PTPRZ1: variants seen among roughly 807,000 people sequenced by gnomAD.
PTPRZ1 encodes the protein protein tyrosine phosphatase receptor type Z1.
A neutral mutation model predicts 214.1 loss-of-function variants in PTPRZ1; 82 were observed. The ratio of observed to expected loss-of-function variants is 0.38; its 90% confidence interval spans 0.32 to 0.46. The LOEUF is 0.46. PTPRZ1 is among the 20% of genes least tolerant of loss of function. The pLI is 1.00. For synonymous variants in PTPRZ1, 945 were observed against 987.9 expected (o/e 0.96, Z 0.81); for missense variants, 2,603 against 2,748.7 (o/e 0.95, Z 1.19).
Position 121,873,375 on chromosome 7 carries a change from C to A in PTPRZ1, c.-125C>A. The stretch of plus-strand genomic sequence containing the variant: ...AAACACACATACGCACGCACGATCT[C>A]ACTTCGATCTATACACTGGAGGATT... On this transcript the variant is annotated 5_prime_UTR_variant, in exon 1 of 30. Transcript: ENST00000393386. 1 of 855,708 alleles carries A rather than the reference C, an allele frequency of 1.2e-6. No individual in the cohort carries two copies. Among genetic ancestry groups the A allele is most frequent in the South Asian group, 1.6e-5 (1 of 62,394 alleles). The allele number at this position is 855,708 out of a possible 1,614,324, so 53.0% of individuals were successfully genotyped here. A position where few individuals can be genotyped will look rare whatever the true frequency, so the allele number is the denominator to read the frequency against.
chr7:121,950,878 A>G (rs1796524966), intron 2 of PTPRZ1, among the ~76,000 whole-genome samples: 1 of 152,228 alleles, frequency 6.6e-6, no homozygotes, highest in Admixed American at 6.5e-5. Flanking sequence ...AAGTTCAAAC[A>G]AAGTCAAATT....
intron 1 of PTPRZ1, among the ~76,000 whole-genome samples, chr7:121,900,734 C>T (rs1017474855): frequency 6.6e-6 from 1 of 152,176 alleles, no homozygotes; most frequent in Non-Finnish European, 1.5e-5. Flanking sequence ...AAGGACGTAC[C>T]TGAAGCCAGA....
At chr7:121,935,426 G>T (rs1312480885) in intron 2 of PTPRZ1, among the ~76,000 whole-genome samples, 1 of 152,102 alleles carries the variant, frequency 6.6e-6, no homozygotes, top group Non-Finnish European at 1.5e-5. Flanking sequence ...GGAACTGTCT[G>T]GGCTTTGTGT....
At chr7:121,896,228 T>C (rs924182782) in intron 1 of PTPRZ1, among the ~76,000 whole-genome samples, 3 of 152,224 alleles carry the variant, frequency 2.0e-5, no homozygotes, top group Admixed American at 1.3e-4. Flanking sequence ...AATTTTTAAG[T>C]GTACAGTATA....
intron 2 of PTPRZ1, among the ~76,000 whole-genome samples, chr7:121,940,731 G>T (rs1183129664): frequency 6.6e-6 from 1 of 151,968 alleles, no homozygotes; most frequent in Non-Finnish European, 1.5e-5. Flanking sequence ...ACTTCTGACA[G>T]GTTTATGTCC....
chr7:121,911,692 G>A (rs1022561930), intron 1 of PTPRZ1, among the ~76,000 whole-genome samples: 8 of 151,858 alleles, frequency 5.3e-5, no homozygotes, highest in African/African-American at 1.9e-4. Flanking sequence ...TGGGAGATAG[G>A]AAGGTATGGT....
chr7:122,004,601 T>C lies in PTPRZ1; in HGVS notation c.1241-13T>C. 2 of 1,308,534 alleles carry C rather than the reference T, an allele frequency of 1.5e-6. No homozygotes were observed. Among genetic ancestry groups the C allele is most frequent in the Non-Finnish European group, 2.1e-6 (2 of 938,734 alleles). 81.1% of individuals were successfully genotyped at this position (1,308,534 alleles called of 1,614,324 possible). A position where few individuals can be genotyped will look rare whatever the true frequency, so the allele number is the denominator to read the frequency against. ...GAATAAAAACTTTAATAATTTTGTTTTTAATTTTGTAGAACTTGATCTTTT... is the reference window on the plus strand; with the variant it reads ...GAATAAAAACTTTAATAATTTTGTTCTTAATTTTGTAGAACTTGATCTTTT... On this transcript the variant is annotated splice_polypyrimidine_tract_variant and intron_variant, in intron 10 of 29. Transcript: ENST00000393386.
chr7:121,970,833 T>A (rs1334747859), intron 3 of PTPRZ1, among the ~76,000 whole-genome samples: 1 of 152,222 alleles, frequency 6.6e-6, no homozygotes, highest in Admixed American at 6.5e-5. Flanking sequence ...AATTTTGGCT[T>A]TTGTTACCAT....
intron 8 of PTPRZ1, among the ~76,000 whole-genome samples, chr7:121,987,371 A>G (rs1412309840): frequency 6.6e-6 from 1 of 152,114 alleles, no homozygotes; most frequent in African/African-American, 2.4e-5. Flanking sequence ...GAGCTCAGCA[A>G]TCAAAAAAGG....
chr7:121,976,876 T>A, intron 6 of PTPRZ1, 25 bp downstream of exon 6: 1 of 1,586,854 alleles, frequency 6.3e-7, no homozygotes, highest in Non-Finnish European at 8.6e-7. Context: ...GAACTATCTT[T>A]CTTCAGGATT....
In PTPRZ1 at chr7:121,983,678, T is replaced by C; in HGVS notation, c.633T>C (p.Ala211=). 4 of 1,612,646 alleles carry C rather than the reference T, an allele frequency of 2.5e-6. No homozygotes were observed. Among genetic ancestry groups the C allele is most frequent in the Non-Finnish European group, 3.4e-6 (4 of 1,179,536 alleles). ...ESVSRFGKQA[A]LDPFILLNLL... ...ATTCCTTTTTAGGGAAGCAGGCTGC[T>C]TTAGATCCATTCATACTGTTGAACC... Residue 211 remains alanine (A), a synonymous_variant, in exon 7 of 30, where the codon GCT becomes GCC. Transcript: ENST00000393386.
At chr7:122,045,682 T>TTACA (rs1799870827) in intron 23 of PTPRZ1, among the ~76,000 whole-genome samples, 1 of 70,218 alleles carries the variant, frequency 1.4e-5, no homozygotes, top group Non-Finnish European at 2.7e-5. Context: ...CCTAAATAAA[T>TTACA]TACACACACA....
chr7:122,048,172 A>G (rs1013013341), intron 23 of PTPRZ1, among the ~76,000 whole-genome samples: 3 of 152,164 alleles, frequency 2.0e-5, no homozygotes, highest in Non-Finnish European at 4.4e-5. Flanking sequence ...TAAAATCTTT[A>G]GAATTAAAGG....
intron 1 of PTPRZ1, among the ~76,000 whole-genome samples, chr7:121,891,374 C>T (rs776563930): frequency 6.6e-6 from 1 of 150,618 alleles, no homozygotes; most frequent in Non-Finnish European, 1.5e-5. Flanking sequence ...TGTTTGTTCA[C>T]CATGGAGCCC....
intron 1 of PTPRZ1, among the ~76,000 whole-genome samples, chr7:121,877,154 C>T (rs117731567): frequency 0.019 from 2,891 of 152,284 alleles, 48 homozygotes; most frequent in Non-Finnish European, 0.031. Context: ...TTTCTCATTT[C>T]ATTCTCCTCA....
chr7:122,028,602 G>A lies in PTPRZ1; in HGVS notation c.5039G>A (p.Arg1680Lys). 1 of 1,549,716 alleles carries A rather than the reference G, an allele frequency of 6.5e-7. No homozygotes were observed. Among genetic ancestry groups the A allele is most frequent in the Non-Finnish European group, 8.9e-7 (1 of 1,121,802 alleles). ...HFYLEDSTSP[R>K]VISTPPTPIF... ...TACTTAGAGGACAGTACATCCCCTA[G>A]AGTTATATCCACACCTCCAACACCT... is the stretch of plus-strand genomic sequence containing the variant. Residue 1680 changes from arginine to lysine, a missense_variant, in exon 14 of 30, where the codon AGA becomes AAA. Arg to Lys is a conservative substitution (Grantham distance 26, BLOSUM62 2). Transcript: ENST00000393386.
chr7:121,892,450 G>T (rs1794662004), intron 1 of PTPRZ1, among the ~76,000 whole-genome samples: 1 of 151,758 alleles, frequency 6.6e-6, no homozygotes, highest in African/African-American at 2.4e-5. Flanking sequence ...CTTAGTACCT[G>T]CCTGGTAAAA....
chr7:121,896,640 G>T (rs1234399035), intron 1 of PTPRZ1, among the ~76,000 whole-genome samples: 2 of 152,132 alleles, frequency 1.3e-5, no homozygotes, highest in African/African-American at 4.8e-5. Context: ...GGGTGTGGTG[G>T]TGGGTGCCTG....
intron 1 of PTPRZ1, among the ~76,000 whole-genome samples, chr7:121,903,676 T>C (rs1468402435): frequency 1.3e-5 from 2 of 152,186 alleles, no homozygotes; most frequent in African/African-American, 4.8e-5. Context: ...CTTTGGTTTT[T>C]AAAAGTCCAT....
Sources: allele counts gnomAD v4.1 joint callset (sites outside exome capture counted in the v4.1 genomes callset), GRCh38; gene constraint gnomAD v4.1.1; transcripts MANE v1.5; gene names NCBI Gene and HGNC (gene_info 2026-07-23, HGNC 2026-07-21).